The following CCSER1 variants were observed in gnomAD, a reference collection of about 807,000 sequenced individuals.
CCSER1 encodes the protein coiled-coil serine rich protein 1, also known as serine-rich coiled-coil domain-containing protein 1.
In CCSER1, 41 loss-of-function variants were observed where a neutral mutation model predicts 82.0. The ratio of observed to expected loss-of-function variants is 0.50; its 90% CI spans 0.39 to 0.65. The LOEUF (loss-of-function observed/expected upper bound fraction) is 0.65. Among genes scored for constraint, CCSER1 ranks in the 30% least tolerant of loss-of-function variants. The probability of loss-of-function intolerance (pLI) is 0.00; values close to 1 mark genes in which losing one functional copy is unlikely to be tolerated. For synonymous variants in CCSER1, 414 were observed against 383.9 expected (o/e 1.08, Z -0.92); for missense variants, 1,119 against 1,064.2 (o/e 1.05, Z -0.72).
intron 9 of CCSER1, among the ~76,000 whole-genome samples, chr4:90,979,393 TATAAA>T (rs1471365535): frequency 1.3e-5 from 2 of 151,728 alleles, no homozygotes; most frequent in Non-Finnish European, 2.9e-5. Context: ...TCATGGAACT[TATAAA>T]ATATTTTATA....
At chr4:90,251,951 G>A (rs72877746) in intron 1 of CCSER1, among the ~76,000 whole-genome samples, 6,827 of 151,614 alleles carry the variant, frequency 0.045, 397 homozygotes, top group African/African-American at 0.13. Context: ...TATTTCAGCC[G>A]TTTGTGCTGT....
chr4:90,151,796 T>A (rs1726917691), intron 1 of CCSER1, among the ~76,000 whole-genome samples: 2 of 152,268 alleles, frequency 1.3e-5, no homozygotes, highest in East Asian at 3.9e-4. Flanking sequence ...ATCTTTACAA[T>A]GTAAATTTGT....
At chr4:90,696,842 A>G (rs1284655099) in intron 6 of CCSER1, among the ~76,000 whole-genome samples, 1 of 152,158 alleles carries the variant, frequency 6.6e-6, no homozygotes, top group Non-Finnish European at 1.5e-5. Context: ...ATACCTGTGG[A>G]GCTGATATTT....
intron 3 of CCSER1, among the ~76,000 whole-genome samples, chr4:90,350,921 TTTAG>T (rs1012495270): frequency 5.9e-5 from 9 of 152,256 alleles, no homozygotes; most frequent in South Asian, 2.1e-4. Flanking sequence ...AATCTAAAAA[TTTAG>T]TTAATCTAAA....
At chr4:90,736,676 G>T (rs977963563) in intron 7 of CCSER1, among the ~76,000 whole-genome samples, 3 of 151,776 alleles carry the variant, frequency 2.0e-5, no homozygotes, top group Admixed American at 2.0e-4. Flanking sequence ...ACTTTCAATT[G>T]GAGAGTTTAT....
At position 90,912,863 on chromosome 4, in the gene CCSER1, C is replaced by T. The variant is rs140423833; in HGVS notation, c.2095-10507C>T. On this transcript the variant is annotated intron_variant, in intron 8 of 10. Coordinates refer to ENST00000509176, the MANE Select transcript of CCSER1 (RefSeq NM_001145065.2). ...AATGCCCAAGCTTCAGTAGCTGATT[C>T]GATCAACTGGAAGAAAGGGTATCAG... Among the ~76,000 whole-genome samples the T allele has an allele frequency of 6.4e-3, 980 of 152,074 alleles. 15 individuals are homozygous for T. The highest frequency in any genetic ancestry group is 0.022 in the African/African-American group (915 of 41,472).
intron 9 of CCSER1, among the ~76,000 whole-genome samples, chr4:91,083,906 A>G (rs1723082712): frequency 6.6e-6 from 1 of 152,150 alleles, no homozygotes; most frequent in South Asian, 2.1e-4. Flanking sequence ...CCAGAATTAG[A>G]TGGTAGGAAA....
Position 90,311,507 on chromosome 4 carries a change from G to A in CCSER1, c.1325-1356G>A, listed in dbSNP as rs138911213. Among the ~76,000 whole-genome samples the A allele has an allele frequency of 8.0e-4, 121 of 152,196 alleles. 2 individuals are homozygous for A. The East Asian group carries it at 0.022, about 28-fold the overall frequency. ...CTTTAGTTTTTGAAAATATTCATGT[G>A]CTATTTATAAGGATTTTATAATTTT... On this transcript the variant is annotated intron_variant, in intron 2 of 10. Coordinates refer to ENST00000509176, the MANE Select transcript of CCSER1 (RefSeq NM_001145065.2).
chr4:91,560,285 G>A (rs572934515), intron 10 of CCSER1, among the ~76,000 whole-genome samples: 1 of 88,122 alleles, frequency 1.1e-5, no homozygotes, highest in African/African-American at 4.8e-5. Flanking sequence ...TGTTGAAGCA[G>A]TTAAAAGGAA....
intron 10 of CCSER1, among the ~76,000 whole-genome samples, chr4:91,365,986 T>C (rs755319766): frequency 1.3e-5 from 2 of 152,190 alleles, no homozygotes; most frequent in Admixed American, 6.5e-5. Flanking sequence ...TAACAATTCA[T>C]AGCCAATAAT....
chr4:91,168,780 G>T (rs986095134), intron 10 of CCSER1, among the ~76,000 whole-genome samples: 3 of 152,078 alleles, frequency 2.0e-5, no homozygotes, highest in Admixed American at 6.5e-5. Context: ...GTGGGGAAAA[G>T]AAAGAGAGAT....
At chr4:91,543,976 A>T (rs1761746807) in intron 10 of CCSER1, among the ~76,000 whole-genome samples, 1 of 151,836 alleles carries the variant, frequency 6.6e-6, no homozygotes, top group Admixed American at 6.6e-5. Flanking sequence ...ATAGTCCCAT[A>T]TTTCTTGGAG....
In CCSER1 at chr4:90,367,991, A is replaced by G. The variant is rs143090472; in HGVS notation, c.1510-32045A>G. 4.7e-4 allele frequency among the ~76,000 whole-genome samples: 72 copies of G among 152,128 alleles called. 1 individual carries two copies. Among genetic ancestry groups the G allele is most frequent in the African/African-American group, 1.7e-3 (70 of 41,570 alleles). ...TAGGGAATTTGATGCAAAATGTTTA[A>G]CAGGCCTTTCCTGTTAGGTTCTGAA... On this transcript the variant is annotated intron_variant, in intron 3 of 10. Transcript: ENST00000509176.
intron 7 of CCSER1, among the ~76,000 whole-genome samples, chr4:90,782,372 T>G (rs2149615826): frequency 6.6e-6 from 1 of 152,314 alleles, no homozygotes; most frequent in South Asian, 2.1e-4. Flanking sequence ...CTGTGAAAAT[T>G]ATTGGACTAG....
chr4:90,229,420 T>G (rs552926059), intron 1 of CCSER1, among the ~76,000 whole-genome samples: 3 of 152,208 alleles, frequency 2.0e-5, no homozygotes, highest in South Asian at 2.1e-4. Context: ...AAGCAAATGC[T>G]GAGAGATTTT....
chr4:91,310,280 C>G (rs1474449684), intron 10 of CCSER1, among the ~76,000 whole-genome samples: 3 of 151,526 alleles, frequency 2.0e-5, no homozygotes, highest in Non-Finnish European at 2.9e-5. Flanking sequence ...ATTCCCTGCC[C>G]TGCTGTGCTT....
intron 10 of CCSER1, among the ~76,000 whole-genome samples, chr4:91,411,060 T>C (rs1447261088): frequency 6.6e-6 from 1 of 151,948 alleles, no homozygotes; most frequent in Non-Finnish European, 1.5e-5. Flanking sequence ...TTATATAATT[T>C]TATGTAATTT....
chr4:90,275,896 C>A (rs952460084), intron 1 of CCSER1, among the ~76,000 whole-genome samples: 1 of 151,956 alleles, frequency 6.6e-6, no homozygotes, highest in African/African-American at 2.4e-5. Context: ...TATCAATAGA[C>A]CTTTGTGAAA....
At chr4:90,614,752 A>G (rs1241121687) in intron 5 of CCSER1, among the ~76,000 whole-genome samples, 2 of 152,214 alleles carry the variant, frequency 1.3e-5, no homozygotes, top group Admixed American at 1.3e-4. Flanking sequence ...CCATAAAATA[A>G]AAGTGTAAGG....
Sources: allele counts gnomAD v4.1 joint callset (sites outside exome capture counted in the v4.1 genomes callset), GRCh38; gene constraint gnomAD v4.1.1; transcripts MANE v1.5; gene names NCBI Gene and HGNC (gene_info 2026-07-23, HGNC 2026-07-21).